The following DBX2 variants were observed in gnomAD, a reference collection of about 807,000 sequenced individuals.
DBX2 encodes the protein homeobox protein DBX2.
DBX2 carries 16 observed loss-of-function variants against 17.7 expected under a neutral mutation model. The ratio of observed to expected loss-of-function variants is 0.90; its 90% CI spans 0.61 to 1.37. DBX2 has a LOEUF of 1.37. DBX2 is among the 40% of genes most tolerant of loss of function. The pLI is 0.00. For synonymous variants in DBX2, 255 were observed against 183.8 expected, an observed-to-expected ratio of 1.39 and a Z score of -3.13; for missense variants, 538 against 433.8, an observed-to-expected ratio of 1.24 and a Z score of -2.13.
chr12:45,050,446 C>T, intron 1 of DBX2, 79 bp downstream of exon 1: 20 of 1,499,946 alleles, frequency 1.3e-5, no homozygotes, highest in Non-Finnish European at 1.7e-5. Context: ...CAGTGCGCAC[C>T]GCCGGCGCTC....
In DBX2 at chr12:45,023,729, T is replaced by A; in HGVS notation, c.665A>T (p.Asn222Ile). Reference protein sequence around the residue: ...SKTDRKKLAINLGLKESQVKI... With the variant: ...SKTDRKKLAIILGLKESQVKI... ...TACCTGTGATTCCTTTAGTCCCAAG[T>A]TGATGGCAAGTTTCTTTCGGTCTGT... is the stretch of plus-strand genomic sequence containing the variant. The change falls in exon 3 of 4, where the codon AAC becomes ATC. Residue 222 changes from asparagine (N) to isoleucine (I), a missense_variant. By Grantham distance (149) the Asn-to-Ile change is moderately radical (BLOSUM62 -3). Coordinates refer to ENST00000332700, the MANE Select transcript of DBX2 (RefSeq NM_001004329.3). 1 of 1,614,194 alleles carries A rather than the reference T, an allele frequency of 6.2e-7. No individual in the cohort carries two copies. Among genetic ancestry groups the A allele is most frequent in the Non-Finnish European group, 8.5e-7 (1 of 1,180,038 alleles).
chr12:45,018,181 T>C (rs550721833), intron 3 of DBX2, among the ~76,000 whole-genome samples: 1 of 152,310 alleles, frequency 6.6e-6, no homozygotes, highest in South Asian at 2.1e-4. Context: ...CAGTGGGCAT[T>C]TACTCCTAGA....
chr12:45,025,930 C>T (rs577508127), intron 2 of DBX2, among the ~76,000 whole-genome samples: 1 of 151,216 alleles, frequency 6.6e-6, no homozygotes, highest in East Asian at 2.0e-4. Context: ...TAAAGTCTAT[C>T]CAAGGAAAAG....
chr12:45,050,617 G>C lies in DBX2; in HGVS notation c.311C>G (p.Ala104Gly), dbSNP rs373749684. ...CGCAGAGGGACTGAGCACTTGAAAA[G>C]CCCACCGCGTTCCGTAGGGCGCCCC... Reference protein sequence around the residue: ...PAGAPYGTRWAFQVLSPSADS... With the variant: ...PAGAPYGTRWGFQVLSPSADS... The change falls in exon 1 of 4, where the codon GCT becomes GGT. Residue 104 changes from alanine to glycine, a missense_variant. Coordinates refer to ENST00000332700, the MANE Select transcript of DBX2 (RefSeq NM_001004329.3). 5 of 1,550,476 alleles carry C rather than the reference G, an allele frequency of 3.2e-6. No individual in the cohort carries two copies. In the Admixed American group the frequency reaches 5.9e-5, roughly 18 times the overall value.
chr12:45,047,226 A>T (rs963857006), intron 1 of DBX2, among the ~76,000 whole-genome samples: 1 of 152,126 alleles, frequency 6.6e-6, no homozygotes, highest in South Asian at 2.1e-4. Context: ...ATATTTTCCA[A>T]ATATTGTCAC....
At chr12:45,046,954 CAGA>C (rs550160512) in intron 1 of DBX2, among the ~76,000 whole-genome samples, 119 of 152,248 alleles carry the variant, frequency 7.8e-4, no homozygotes, top group African/African-American at 2.2e-3. Flanking sequence ...TCATATGCAG[CAGA>C]AGAATAGATT....
intron 1 of DBX2, among the ~76,000 whole-genome samples, chr12:45,049,591 G>A (rs922360703): frequency 1.3e-5 from 2 of 151,638 alleles, no homozygotes; most frequent in Admixed American, 1.3e-4. Context: ...TGCTGAAAAA[G>A]CGTCTATTAG....
intron 1 of DBX2, among the ~76,000 whole-genome samples, chr12:45,048,691 AG>A (rs745795107): frequency 9.9e-5 from 15 of 152,210 alleles, no homozygotes; most frequent in Non-Finnish European, 1.9e-4. Flanking sequence ...ATGAGATTTT[AG>A]TTTTCTTCTT....
At chr12:45,020,971 C>T (rs1946349053) in intron 3 of DBX2, among the ~76,000 whole-genome samples, 2 of 151,986 alleles carry the variant, frequency 1.3e-5, no homozygotes, top group South Asian at 4.1e-4. Context: ...TGAGTTTTCA[C>T]TTTTATCTTT....
chr12:45,022,461 G>A (rs1334020501), intron 3 of DBX2, among the ~76,000 whole-genome samples: 2 of 151,736 alleles, frequency 1.3e-5, no homozygotes, highest in Non-Finnish European at 1.5e-5. Context: ...CAGCCACCTC[G>A]CCCAGCTAAC....
Position 45,051,025 on chromosome 12 carries a change from C to G in DBX2, c.-98G>C. 1 of 1,295,126 alleles carries G rather than the reference C, an allele frequency of 7.7e-7. No homozygotes were observed. Among genetic ancestry groups the G allele is most frequent in the Non-Finnish European group, 9.8e-7 (1 of 1,023,290 alleles). The allele number at this position is 1,295,126 out of a possible 1,614,324, so 80.2% of individuals were successfully genotyped here. Reference sequence around the variant, plus strand: ...CAGAGCCGCAGCTTCTCGCCGCCGCCTCCCGCAGGGCTGGAGCGCGCGGAG... The same window carrying G: ...CAGAGCCGCAGCTTCTCGCCGCCGCGTCCCGCAGGGCTGGAGCGCGCGGAG... On this transcript the variant is annotated 5_prime_UTR_variant, in exon 1 of 4. Transcript: ENST00000332700.
chr12:45,027,761 G>T (rs141039921), intron 2 of DBX2, among the ~76,000 whole-genome samples: 14 of 152,212 alleles, frequency 9.2e-5, no homozygotes, highest in Non-Finnish European at 1.8e-4. Context: ...CATGTTTTAA[G>T]TTTGGTTCTA....
chr12:45,024,962 A>G (rs1946373757), intron 2 of DBX2, among the ~76,000 whole-genome samples: 1 of 152,204 alleles, frequency 6.6e-6, no homozygotes, highest in South Asian at 2.1e-4. Flanking sequence ...CTAGCACAAT[A>G]CTGGTTCCCA....
At chr12:45,029,070 C>T (rs1317456821) in intron 2 of DBX2, among the ~76,000 whole-genome samples, 1 of 152,172 alleles carries the variant, frequency 6.6e-6, no homozygotes, top group African/African-American at 2.4e-5. Context: ...TACATATAAG[C>T]ACCTAAATTT....
chr12:45,049,251 T>C (rs1301696318), intron 1 of DBX2, among the ~76,000 whole-genome samples: 2 of 152,126 alleles, frequency 1.3e-5, no homozygotes, highest in Non-Finnish European at 2.9e-5. Flanking sequence ...TTCTGGAAAA[T>C]GTTATTTTTA....
At position 45,016,266 on chromosome 12, in the gene DBX2, A is replaced by G; in HGVS notation, c.*20T>C. The G allele has an allele frequency of 6.5e-7, 1 of 1,534,404 alleles. No individual in the cohort carries two copies. Among genetic ancestry groups the G allele is most frequent in the South Asian group, 1.3e-5 (1 of 76,144 alleles). On this transcript the variant is annotated 3_prime_UTR_variant, in exon 4 of 4. Coordinates refer to ENST00000332700, the MANE Select transcript of DBX2 (RefSeq NM_001004329.3). ...TACTATTAAGCGTTCTTTTAAATGA[A>G]CACGGAGGAATGCTTCCATTCAGAC... is the stretch of plus-strand genomic sequence containing the variant.
intron 3 of DBX2, among the ~76,000 whole-genome samples, chr12:45,019,920 G>T (rs866004803): frequency 1.2e-4 from 18 of 152,046 alleles, no homozygotes; most frequent in African/African-American, 3.6e-4. Context: ...CAAGGAATAC[G>T]CATGAGCTTT....
chr12:45,050,883 G>T lies in DBX2; in HGVS notation c.45C>A (p.Asp15Glu), dbSNP rs781563472. The T allele has an allele frequency of 5.2e-6, 8 of 1,525,992 alleles. No homozygotes were observed. In the East Asian group the frequency reaches 1.6e-4, roughly 31 times the overall value. 94.5% of individuals were successfully genotyped at this position (1,525,992 alleles called of 1,614,324 possible). A position where few individuals can be genotyped will look rare whatever the true frequency, so the allele number is the denominator to read the frequency against. ...AVAAHAGAYWDVVASSALLNL... is the reference protein window; with the variant it reads ...AVAAHAGAYWEVVASSALLNL... ...TGAGGAGCGCGGAGGAAGCCACAAC[G>T]TCCCAGTACGCACCGGCGTGGGCTG... is the stretch of plus-strand genomic sequence containing the variant. Residue 15 changes from aspartate to glutamate, a missense_variant, in exon 1 of 4, where the codon GAC becomes GAA. Asp to Glu is a conservative substitution (Grantham distance 45). Coordinates refer to ENST00000332700, the MANE Select transcript of DBX2 (RefSeq NM_001004329.3).
chr12:45,017,276 T>A (rs1299264247), intron 3 of DBX2, among the ~76,000 whole-genome samples: 4 of 152,212 alleles, frequency 2.6e-5, no homozygotes, highest in Admixed American at 6.5e-5. Context: ...TCTGAGTGTT[T>A]ATTTTGTGCC....
Sources: gnomAD v4.1 joint callset for allele counts (sites outside exome capture counted in the v4.1 genomes callset) on GRCh38, gnomAD v4.1.1 for gene constraint, MANE v1.5 for transcripts, NCBI Gene and HGNC (gene_info 2026-07-23, HGNC 2026-07-21) for gene names.